Variants in NUDCD1 observed in about 807,000 individuals in gnomAD.
NUDCD1 encodes nudC domain-containing protein 1.
NUDCD1 carries 60 observed loss-of-function variants against 67.8 expected under a neutral mutation model. The observed-to-expected ratio is 0.88, with a 90% CI of 0.72 to 1.10. NUDCD1 has a LOEUF of 1.10. Among genes scored for constraint, NUDCD1 ranks in the 50% least tolerant of loss-of-function variants. The pLI, the probability that NUDCD1 is intolerant of heterozygous loss-of-function variation, is 0.00. For missense variants in NUDCD1, 643 were observed against 695.0 expected (o/e 0.93, Z 0.84); for synonymous variants, 244 against 230.8 (o/e 1.06, Z -0.52).
In NUDCD1 at chr8:109,242,026, G is replaced by C; in HGVS notation, c.*983C>G. 2 of 397,852 alleles carry C rather than the reference G, an allele frequency of 5.0e-6. No individual in the cohort carries two copies. The highest frequency in any genetic ancestry group is 4.4e-6 in the Non-Finnish European group (1 of 225,522). The allele number at this position is 397,852 out of a possible 1,614,324, so 24.6% of individuals were successfully genotyped here. A position where few individuals can be genotyped will look rare whatever the true frequency, so the allele number is the denominator to read the frequency against. ...CAGGATTATTTTGTTGAAGTTGTTAGAAAAATAAAGAGAGCCACAAGGATA... is the reference window on the plus strand; with the variant it reads ...CAGGATTATTTTGTTGAAGTTGTTACAAAAATAAAGAGAGCCACAAGGATA... On this transcript the variant is annotated 3_prime_UTR_variant, in exon 10 of 10. Coordinates refer to ENST00000239690, the MANE Select transcript of NUDCD1 (RefSeq NM_032869.4).
intron 8 of NUDCD1, 91 bp from the exon 9 acceptor site, chr8:109,245,572 T>A (rs1813475721): frequency 1.1e-6 from 1 of 937,476 alleles, no homozygotes; most frequent in East Asian, 2.6e-5. Flanking sequence ...GCATTAAGTG[T>A]CAGCAACTGT....
intron 8 of NUDCD1, among the ~76,000 whole-genome samples, chr8:109,255,903 T>A (rs1813726020): frequency 6.6e-6 from 1 of 152,160 alleles, no homozygotes; most frequent in South Asian, 2.1e-4. Context: ...TAATGGCCAG[T>A]GCAGCTAAAG....
At chr8:109,322,722 C>G (rs1238639010) in intron 1 of NUDCD1, among the ~76,000 whole-genome samples, 1 of 152,116 alleles carries the variant, frequency 6.6e-6, no homozygotes, top group Non-Finnish European at 1.5e-5. Context: ...CTTTTTATGT[C>G]ATGACCCTCT....
At chr8:109,279,950 T>C (rs970032131) in intron 6 of NUDCD1, among the ~76,000 whole-genome samples, 2 of 152,340 alleles carry the variant, frequency 1.3e-5, no homozygotes, top group East Asian at 1.9e-4. Flanking sequence ...ATTTCTTTTA[T>C]GGCTTTGTGT....
intron 2 of NUDCD1, among the ~76,000 whole-genome samples, chr8:109,321,324 G>A (rs953465586): frequency 6.6e-6 from 1 of 152,140 alleles, no homozygotes; most frequent in Non-Finnish European, 1.5e-5. Flanking sequence ...CAATGAGAGG[G>A]TAAGTGAAAG....
intron 8 of NUDCD1, among the ~76,000 whole-genome samples, chr8:109,245,722 T>C (rs1813478986): frequency 6.6e-6 from 1 of 152,172 alleles, no homozygotes; most frequent in Non-Finnish European, 1.5e-5. Flanking sequence ...AGCCTGGCCA[T>C]AAGTCATGGA....
In NUDCD1 at chr8:109,333,894, T is replaced by C. The variant is rs1288401076; in HGVS notation, c.117A>G (p.Ala39=). The C allele has an allele frequency of 6.2e-7, 1 of 1,613,942 alleles. No homozygotes were observed. Among genetic ancestry groups the C allele is most frequent in the African/African-American group, 1.3e-5 (1 of 74,936 alleles). Residue 39 remains alanine, a splice_region_variant and synonymous_variant, in exon 1 of 10, where the codon GCA becomes GCG. Coordinates refer to ENST00000239690, the MANE Select transcript of NUDCD1 (RefSeq NM_032869.4). The part of the protein sequence containing the change: ...PLPCYQLELD[A]AVAEVKLRDD... ...ACGAAGGGCGCCGCCGCTTCCCACC[T>C]GCGTCAAGCTCCAGCTGGTAACAAG... is the stretch of plus-strand genomic sequence containing the variant.
At chr8:109,243,985 C>A (rs1328556681) in intron 9 of NUDCD1, among the ~76,000 whole-genome samples, 1 of 151,898 alleles carries the variant, frequency 6.6e-6, no homozygotes, top group Non-Finnish European at 1.5e-5. Context: ...TAAAAAGTAT[C>A]TTTTTGGATT....
chr8:109,313,856 A>G, intron 2 of NUDCD1: 1 of 1,076,516 alleles, frequency 9.3e-7, no homozygotes, highest in Non-Finnish European at 1.3e-6. Context: ...AATGGGTACA[A>G]TATCCAATAG....
chr8:109,294,487 T>C (rs1814792673), intron 3 of NUDCD1, among the ~76,000 whole-genome samples: 1 of 152,058 alleles, frequency 6.6e-6, no homozygotes, highest in Non-Finnish European at 1.5e-5. Flanking sequence ...TTTTTATTGG[T>C]TGATTGGGTT....
At chr8:109,269,461 A>G (rs1405557547) in intron 8 of NUDCD1, among the ~76,000 whole-genome samples, 1 of 152,216 alleles carries the variant, frequency 6.6e-6, no homozygotes, top group Admixed American at 6.5e-5. Flanking sequence ...AGGAAGGGAT[A>G]GCGAGTGAGA....
At chr8:109,298,500 A>C (rs1814898007) in intron 2 of NUDCD1, 1 of 152,210 alleles carries the variant, frequency 6.6e-6, no homozygotes, top group Admixed American at 6.5e-5. Context: ...CGTAAACAAA[A>C]ATATTCCATA....
intron 2 of NUDCD1, among the ~76,000 whole-genome samples, chr8:109,308,024 T>C (rs902906012): frequency 6.6e-6 from 1 of 152,034 alleles, no homozygotes; most frequent in Non-Finnish European, 1.5e-5. Context: ...ACAATAATAG[T>C]GGGGGACTTC....
intron 8 of NUDCD1, among the ~76,000 whole-genome samples, chr8:109,260,042 T>C (rs1813829710): frequency 6.6e-6 from 1 of 152,288 alleles, no homozygotes; most frequent in East Asian, 1.9e-4. Context: ...AATAATCTTC[T>C]AAGTGCAAGA....
intron 8 of NUDCD1, among the ~76,000 whole-genome samples, chr8:109,261,842 T>G (rs1813869326): frequency 6.6e-6 from 1 of 152,154 alleles, no homozygotes; most frequent in African/African-American, 2.4e-5. Flanking sequence ...TTTCTTCAAG[T>G]AGGACTCATA....
intron 8 of NUDCD1, among the ~76,000 whole-genome samples, chr8:109,263,026 G>T (rs1813902381): frequency 7.4e-6 from 1 of 135,526 alleles, no homozygotes. Flanking sequence ...ATGCAGTCCA[G>T]CTCGGGGGAC....
intron 8 of NUDCD1, among the ~76,000 whole-genome samples, chr8:109,248,849 A>G (rs1202454898): frequency 6.6e-6 from 1 of 152,080 alleles, no homozygotes; most frequent in African/African-American, 2.4e-5. Context: ...CTGGATCACA[A>G]TTTGCAAAAC....
chr8:109,282,751 C>T lies in NUDCD1; in HGVS notation c.824-1579G>A, dbSNP rs144204764. Among the ~76,000 whole-genome samples the T allele has an allele frequency of 9.4e-3, 1,420 of 151,734 alleles. 31 individuals carry two copies. The highest frequency in any genetic ancestry group is 0.033 in the African/African-American group (1,345 of 41,288). On this transcript the variant is annotated intron_variant, in intron 5 of 9. Transcript: ENST00000239690. ...AATGTAGATGGCGGGTTGATGAGTGCAGCAAATCACTATGGCACGTGTATA... is the reference window on the plus strand; with the variant it reads ...AATGTAGATGGCGGGTTGATGAGTGTAGCAAATCACTATGGCACGTGTATA...
At chr8:109,316,039 C>T (rs1332624166) in intron 2 of NUDCD1, 2 of 152,148 alleles carry the variant, frequency 1.3e-5, no homozygotes, top group African/African-American at 4.8e-5. Context: ...TAAGATGACA[C>T]TCTTTTAGTA....
Sources: gnomAD v4.1 joint callset for allele counts (sites outside exome capture counted in the v4.1 genomes callset) on GRCh38, gnomAD v4.1.1 for gene constraint, MANE v1.5 for transcripts, NCBI Gene and HGNC (gene_info 2026-07-23, HGNC 2026-07-21) for gene names.